ENSA: variants seen among roughly 807,000 people sequenced by gnomAD.
ENSA encodes the protein endosulfine alpha.
A neutral mutation model predicts 16.8 loss-of-function variants in ENSA; 7 were observed. That is an observed-to-expected ratio of 0.42 (90% confidence interval 0.24 to 0.78). The LOEUF is 0.78. Ranked by LOEUF, ENSA falls within the 30% of genes least tolerant of loss-of-function variation. ENSA has a pLI of 0.29. For missense variants in ENSA, 87 were observed against 142.3 expected (o/e 0.61, Z 1.98); for synonymous variants, 58 against 53.4 (o/e 1.09, Z -0.37).
chr1:150,623,220 T>A, intron 3 of ENSA: 1 of 1,075,958 alleles, frequency 9.3e-7, no homozygotes, highest in Non-Finnish European at 1.1e-6. Context: ...TTGCAAAGAC[T>A]GAGGTAGCAC....
At chr1:150,622,046 T>A (rs765856611), downstream of ENSA, 20 of 152,208 alleles carry the variant, frequency 1.3e-4, no homozygotes, top group Non-Finnish European at 2.6e-4. Flanking sequence ...CTCAGCCGCA[T>A]CTCACATTAA....
At chr1:150,626,561 A>C in intron 2 of ENSA, 1 of 1,600,254 alleles carries the variant, frequency 6.2e-7, no homozygotes, top group South Asian at 1.1e-5. Flanking sequence ...AGGAAAATAA[A>C]AAAATTTTTT....
chr1:150,624,607 C>T, intron 3 of ENSA: 1 of 985,776 alleles, frequency 1.0e-6, no homozygotes, highest in South Asian at 4.7e-5. Context: ...ACTGTGATAT[C>T]TATAAGGTTC....
intron 2 of ENSA, chr1:150,626,433 A>T (rs773865958): frequency 3.8e-6 from 6 of 1,576,836 alleles, no homozygotes; most frequent in Non-Finnish European, 5.2e-6. Context: ...ATCATCTGTG[A>T]CTAAGACTCA....
chr1:150,623,703 A>C (rs748518019), intron 3 of ENSA: 1 of 985,796 alleles, frequency 1.0e-6, no homozygotes, highest in Non-Finnish European at 1.2e-6. Flanking sequence ...GAAACTATAC[A>C]ATGGTGTTCA....
intron 3 of ENSA, chr1:150,624,640 C>T: frequency 1.0e-6 from 1 of 985,638 alleles, no homozygotes; most frequent in Non-Finnish European, 1.2e-6. Context: ...TTATAATCCC[C>T]AAACCTCAAT....
chr1:150,624,503 G>A, intron 3 of ENSA: 1 of 985,912 alleles, frequency 1.0e-6, no homozygotes, highest in Non-Finnish European at 1.2e-6. Flanking sequence ...CTTTTTAGCA[G>A]CTAAGGCCCA....
chr1:150,624,127 TG>T (rs1341132776), intron 3 of ENSA: 1 of 985,338 alleles, frequency 1.0e-6, no homozygotes, highest in East Asian at 1.1e-4. Flanking sequence ...GCCAAGCTGG[TG>T]GTAACTAGAT....
Position 150,625,733 on chromosome 1 carries a change from G to C in ENSA, c.259C>G (p.Pro87Ala). 6.2e-7 allele frequency: 1 copy of C among 1,612,572 alleles called. No homozygotes were observed. ...TCACCAGTCACCAGGTTCTTGTCTG[G>C]TCCTGCACTTGGCAGCTGCTTATTC... is the stretch of plus-strand genomic sequence containing the variant. ...MKNKQLPSAGPDKNLVTGDHI... is the reference protein window; with the variant it reads ...MKNKQLPSAGADKNLVTGDHI... Residue 87 changes from proline (P) to alanine (A), a missense_variant, in exon 3 of 4, where the codon CCA (proline) becomes GCA (alanine). Coordinates refer to ENST00000369014, the MANE Select transcript of ENSA (RefSeq NM_004436.4).
At chr1:150,626,546 G>A in intron 2 of ENSA, 1 of 1,609,588 alleles carries the variant, frequency 6.2e-7, no homozygotes, top group Non-Finnish European at 8.5e-7. Context: ...TTGCAGAGGA[G>A]AGTAAGGAAA....
chr1:150,628,902 A>G, intron 1 of ENSA: 1 of 705,352 alleles, frequency 1.4e-6, no homozygotes, highest in Non-Finnish European at 2.4e-6. Flanking sequence ...TTAGCTACTA[A>G]AATAGGTCTC....
intron 3 of ENSA, chr1:150,624,432 G>C: frequency 1.0e-6 from 1 of 985,908 alleles, no homozygotes; most frequent in Non-Finnish European, 1.2e-6. Flanking sequence ...TGAAACATGG[G>C]TCAACACATG....
At position 150,625,662 on chromosome 1, in the gene ENSA, G is replaced by A. The variant is rs770062514; in HGVS notation, c.330C>T (p.Leu110=). The A allele has an allele frequency of 7.5e-6, 12 of 1,606,788 alleles. No homozygotes were observed. Among genetic ancestry groups the A allele is most frequent in the Non-Finnish European group, 1.0e-5 (12 of 1,176,300 alleles). The change falls in exon 3 of 4, where the codon CTC becomes CTT. Residue 110 remains leucine, a synonymous_variant. Coordinates refer to ENST00000369014, the MANE Select transcript of ENSA (RefSeq NM_004436.4). ...GTTACCCCGCAAGCTTGCTGGTGAC[G>A]AGCGAGGACTTTCTCTGGGGCAGAT... ...PQDLPQRKSS[L]VTSKLAGGQV...
chr1:150,624,353 C>T (rs930620433), intron 3 of ENSA: 1 of 985,838 alleles, frequency 1.0e-6, no homozygotes, highest in Non-Finnish European at 1.2e-6. Flanking sequence ...GAGTACTCAG[C>T]CCCAGGGGCT....
intron 2 of ENSA, chr1:150,626,569 T>G (rs1295311666): frequency 6.5e-7 from 1 of 1,532,438 alleles, no homozygotes; most frequent in Admixed American, 1.7e-5. Context: ...AAAAAAATTT[T>G]TTTTTGAGAT....
intron 1 of ENSA, chr1:150,629,106 C>G (rs767823281): frequency 4.3e-6 from 7 of 1,614,154 alleles, no homozygotes; most frequent in Admixed American, 3.3e-5. Context: ...CACCAGCCAT[C>G]CCCTTTCCAT....
chr1:150,629,000 C>A (rs1322740403), intron 1 of ENSA: 1 of 1,568,596 alleles, frequency 6.4e-7, no homozygotes, highest in Admixed American at 1.7e-5. Context: ...ACGTCTTTAC[C>A]TCGACCCCTA....
At position 150,629,402 on chromosome 1, in the gene ENSA, C is replaced by T. The variant is rs1267340819; in HGVS notation, c.57+12G>A. ...CTCCCCAGCTCGCCCGCCCGCACCCCTTCCACTTCACCTGCTTCTCCTCGC... is the reference window on the plus strand; with the variant it reads ...CTCCCCAGCTCGCCCGCCCGCACCCTTTCCACTTCACCTGCTTCTCCTCGC... On this transcript the variant is annotated intron_variant, in intron 1 of 3. Transcript: ENST00000369014. 6.2e-7 allele frequency: 1 copy of T among 1,612,558 alleles called. No homozygotes were observed. Among genetic ancestry groups the T allele is most frequent in the East Asian group, 2.2e-5 (1 of 44,878 alleles).
chr1:150,624,818 C>A (rs1365321439), intron 3 of ENSA: 1 of 983,174 alleles, frequency 1.0e-6, no homozygotes, highest in African/African-American at 1.7e-5. Flanking sequence ...ATCAATCTTA[C>A]ATACATTTAA....
Sources: gnomAD v4.1 joint callset for allele counts on GRCh38, gnomAD v4.1.1 for gene constraint, MANE v1.5 for transcripts, NCBI Gene and HGNC (gene_info 2026-07-23, HGNC 2026-07-21) for gene names.